The following GRIK2 variants were observed in gnomAD, a reference collection of about 807,000 sequenced individuals.
GRIK2 encodes glutamate receptor ionotropic, kainate 2.
In GRIK2, 32 loss-of-function variants were observed where a neutral mutation model predicts 100.3. That is an observed-to-expected ratio of 0.32 (90% confidence interval 0.24 to 0.43). The LOEUF (loss-of-function observed/expected upper bound fraction) is 0.43, where lower values mean the gene tolerates loss of function less well. GRIK2 is among the 20% of genes least tolerant of loss of function. The pLI, the probability that GRIK2 is intolerant of heterozygous loss-of-function variation, is 1.00. For missense variants in GRIK2, 843 were observed against 1,114.9 expected (o/e 0.76, Z 3.47); for synonymous variants, 417 against 389.4 (o/e 1.07, Z -0.83).
At chr6:101,649,884 G>C (rs1456678191) in intron 4 of GRIK2, among the ~76,000 whole-genome samples, 2 of 152,130 alleles carry the variant, frequency 1.3e-5, no homozygotes, top group Non-Finnish European at 2.9e-5. Context: ...GGTGGAGTTT[G>C]GTACCAAGTC....
chr6:102,053,862 G>A (rs1771332088), intron 15 of GRIK2, among the ~76,000 whole-genome samples: 2 of 152,100 alleles, frequency 1.3e-5, no homozygotes, highest in Admixed American at 1.3e-4. Context: ...AATGCCCAGT[G>A]AGTGATCAAG....
At chr6:102,061,589 T>C (rs1463408939) in intron 16 of GRIK2, among the ~76,000 whole-genome samples, 1 of 150,492 alleles carries the variant, frequency 6.6e-6, no homozygotes, top group African/African-American at 2.4e-5. Flanking sequence ...ATAGTAAGCA[T>C]GAGTTATGGA....
intron 11 of GRIK2, among the ~76,000 whole-genome samples, chr6:101,864,083 G>A (rs1286255670): frequency 6.7e-6 from 1 of 149,628 alleles, no homozygotes; most frequent in Non-Finnish European, 1.5e-5. Flanking sequence ...CTTGCAGTGA[G>A]CCGAGATTGC....
chr6:101,786,855 C>A (rs1336293136), intron 7 of GRIK2, among the ~76,000 whole-genome samples: 2 of 152,010 alleles, frequency 1.3e-5, no homozygotes, highest in African/African-American at 4.8e-5. Flanking sequence ...AGAATTATCT[C>A]CTCTTGCTTT....
intron 14 of GRIK2, among the ~76,000 whole-genome samples, chr6:101,966,302 A>C (rs966789090): frequency 6.6e-6 from 1 of 152,160 alleles, no homozygotes; most frequent in Non-Finnish European, 1.5e-5. Context: ...GCAGAAGTTT[A>C]ATATAAAAGA....
Position 101,821,019 on chromosome 6 carries a change from C to T in GRIK2, c.1317+2536C>T, listed in dbSNP as rs532229502. On this transcript the variant is annotated intron_variant, in intron 10 of 16. Coordinates refer to ENST00000369134, the MANE Select transcript of GRIK2 (RefSeq NM_021956.5). ...ATTTCTCAATGTCGGAGAAAAGTGC[C>T]TTGGGTATAGCAAGAGCTCAATAAA... Among the ~76,000 whole-genome samples the T allele has an allele frequency of 1.3e-3, 192 of 152,088 alleles. 1 individual carries two copies. Among genetic ancestry groups the T allele is most frequent in the African/African-American group, 3.6e-3 (149 of 41,494 alleles).
At chr6:101,924,744 C>T (rs1210545500) in intron 13 of GRIK2, 25 bp downstream of exon 13, 1 of 1,376,086 alleles carries the variant, frequency 7.3e-7, no homozygotes. Flanking sequence ...CTGCTATTTC[C>T]TTTGGGCACC....
chr6:101,597,033 T>C (rs1778960840), intron 2 of GRIK2, among the ~76,000 whole-genome samples: 1 of 151,814 alleles, frequency 6.6e-6, no homozygotes, highest in South Asian at 2.1e-4. Context: ...ATATGGTACA[T>C]ATACAACATA....
intron 2 of GRIK2, among the ~76,000 whole-genome samples, chr6:101,540,878 T>C (rs931194592): frequency 6.6e-6 from 1 of 151,900 alleles, no homozygotes; most frequent in African/African-American, 2.4e-5. Context: ...TGCATGGGAG[T>C]AGTCTTGATA....
intron 2 of GRIK2, among the ~76,000 whole-genome samples, chr6:101,402,387 T>C (rs2787570): frequency 0.41 from 61,883 of 151,982 alleles, 12,899 homozygotes; most frequent in East Asian, 0.51. Context: ...CCCAGGAGCG[T>C]CTCTGTCCTG....
At chr6:101,542,414 T>C (rs1383619869) in intron 2 of GRIK2, among the ~76,000 whole-genome samples, 1 of 152,078 alleles carries the variant, frequency 6.6e-6, no homozygotes, top group African/African-American at 2.4e-5. Flanking sequence ...TTGCATTTTA[T>C]GGTCACCTAA....
chr6:101,553,892 C>G (rs1348897983), intron 2 of GRIK2, among the ~76,000 whole-genome samples: 1 of 152,180 alleles, frequency 6.6e-6, no homozygotes, highest in Non-Finnish European at 1.5e-5. Flanking sequence ...TCACAGTACT[C>G]ACTTTGTACT....
At chr6:101,881,756 G>C (rs1456383741) in intron 11 of GRIK2, among the ~76,000 whole-genome samples, 2 of 151,898 alleles carry the variant, frequency 1.3e-5, no homozygotes, top group East Asian at 3.9e-4. Flanking sequence ...AAGAGGTTGA[G>C]GTGGGAGGAT....
Position 101,873,976 on chromosome 6 carries a change from A to C in GRIK2, c.1524+14483A>C, listed in dbSNP as rs568419975. On this transcript the variant is annotated intron_variant, in intron 11 of 16. Coordinates refer to ENST00000369134, the MANE Select transcript of GRIK2 (RefSeq NM_021956.5). Reference sequence around the variant, plus strand: ...TTTTCTTGTCAATTTGTTTGAGTTCATTGTAGATTCTGGATATTAGCCCTT... The same window carrying C: ...TTTTCTTGTCAATTTGTTTGAGTTCCTTGTAGATTCTGGATATTAGCCCTT... Among the ~76,000 whole-genome samples the C allele has an allele frequency of 6.7e-3, 1,026 of 152,022 alleles. 14 individuals are homozygous for C. The highest frequency in any genetic ancestry group is 0.023 in the African/African-American group (939 of 41,478).
intron 7 of GRIK2, among the ~76,000 whole-genome samples, chr6:101,723,584 G>T (rs1186960317): frequency 6.6e-6 from 1 of 151,926 alleles, no homozygotes; most frequent in Non-Finnish European, 1.5e-5. Context: ...ATAATTATAG[G>T]ACTATAATTT....
At chr6:101,901,569 TA>T (rs1224325981) in intron 12 of GRIK2, among the ~76,000 whole-genome samples, 3 of 151,788 alleles carry the variant, frequency 2.0e-5, no homozygotes, top group African/African-American at 7.2e-5. Context: ...TTAAATAAAC[TA>T]AAATACAGTA....
At chr6:101,796,968 A>T (rs1478115605) in intron 7 of GRIK2, among the ~76,000 whole-genome samples, 2 of 152,152 alleles carry the variant, frequency 1.3e-5, no homozygotes, top group Non-Finnish European at 2.9e-5. Flanking sequence ...ATATACCAGA[A>T]AAGATTTTTT....
At chr6:101,927,931 T>A (rs1344027800) in intron 13 of GRIK2, 6 of 157,352 alleles carry the variant, frequency 3.8e-5, no homozygotes, top group Admixed American at 3.0e-4. Flanking sequence ...TACGTAACTT[T>A]TAAAAATAAC....
chr6:101,951,871 G>A (rs911237930), intron 14 of GRIK2, among the ~76,000 whole-genome samples: 2 of 152,158 alleles, frequency 1.3e-5, no homozygotes, highest in Admixed American at 6.5e-5. Flanking sequence ...TTTACACCCA[G>A]TCTGGGGTAT....
Sources: gnomAD v4.1 joint callset for allele counts (sites outside exome capture counted in the v4.1 genomes callset) on GRCh38, gnomAD v4.1.1 for gene constraint, MANE v1.5 for transcripts, NCBI Gene and HGNC (gene_info 2026-07-23, HGNC 2026-07-21) for gene names.